The following ATP9A variants were observed in gnomAD, a reference collection of about 807,000 sequenced individuals.
ATP9A encodes the protein probable phospholipid-transporting ATPase IIA.
In ATP9A, 52 loss-of-function variants were observed where a neutral mutation model predicts 144.1. The observed-to-expected ratio is 0.36, with a 90% CI of 0.29 to 0.45. The LOEUF is 0.45. Among genes scored for constraint, ATP9A ranks in the 20% least tolerant of loss-of-function variants. ATP9A has a pLI of 1.00. For missense variants in ATP9A, 947 were observed against 1,392.7 expected (o/e 0.68, Z 5.09); for synonymous variants, 582 against 557.4 (o/e 1.04, Z -0.62).
In ATP9A at chr20:51,674,379, G is replaced by C; in HGVS notation, c.877-66C>G. 1.9e-6 allele frequency: 3 copies of C among 1,554,668 alleles called. No individual in the cohort carries two copies. The South Asian group carries it at 3.5e-5, about 18-fold the overall frequency. On this transcript the variant is annotated intron_variant, in intron 10 of 27. Coordinates refer to ENST00000338821, the MANE Select transcript of ATP9A (RefSeq NM_006045.3). ...TGTAACTAATCTCAAACCTAAACCA[G>C]GAGGTGGAGGCTGCAGTGAGCTGAG...
chr20:51,746,669 C>G (rs2077809591), intron 1 of ATP9A, among the ~76,000 whole-genome samples: 1 of 152,200 alleles, frequency 6.6e-6, no homozygotes, highest in Non-Finnish European at 1.5e-5. Flanking sequence ...GAAACCTCGT[C>G]TCTACTAAAA....
chr20:51,689,720 C>G (rs1309009035), intron 8 of ATP9A, among the ~76,000 whole-genome samples: 1 of 151,600 alleles, frequency 6.6e-6, no homozygotes, highest in East Asian at 2.0e-4. Flanking sequence ...CCACGCCAGG[C>G]CTCCTAAAAC....
At chr20:51,642,224 G>A (rs915892374) in intron 14 of ATP9A, among the ~76,000 whole-genome samples, 3 of 151,652 alleles carry the variant, frequency 2.0e-5, no homozygotes, top group African/African-American at 4.8e-5. Flanking sequence ...GTGCGATCTC[G>A]GCTCATTGCA....
intron 1 of ATP9A, among the ~76,000 whole-genome samples, chr20:51,747,104 T>TG (rs202057554): frequency 0.019 from 2,846 of 150,668 alleles, 89 homozygotes; most frequent in African/African-American, 0.066. Flanking sequence ...TTTCGTTTTT[T>TG]TTTTTTTTTT....
At chr20:51,758,447 A>C (rs1224967468) in intron 1 of ATP9A, among the ~76,000 whole-genome samples, 1 of 152,208 alleles carries the variant, frequency 6.6e-6, no homozygotes, top group Non-Finnish European at 1.5e-5. Flanking sequence ...GGGTAAAGAC[A>C]CTAAAAGAAC....
At chr20:51,733,109 T>A (rs1297686351) in intron 1 of ATP9A, among the ~76,000 whole-genome samples, 1 of 152,190 alleles carries the variant, frequency 6.6e-6, no homozygotes, top group Non-Finnish European at 1.5e-5. Context: ...GACATCAAGC[T>A]ATCCGGTTAC....
intron 1 of ATP9A, among the ~76,000 whole-genome samples, chr20:51,751,047 G>A (rs774361485): frequency 2.1e-4 from 32 of 152,098 alleles, no homozygotes; most frequent in Non-Finnish European, 3.8e-4. Flanking sequence ...TGGGTCACGC[G>A]GATAAAGAAG....
chr20:51,740,996 G>A (rs1376375215), intron 1 of ATP9A, among the ~76,000 whole-genome samples: 1 of 117,684 alleles, frequency 8.5e-6, no homozygotes, highest in Non-Finnish European at 2.0e-5. Flanking sequence ...ACCACATGTG[G>A]CTATTTTAAG....
Position 51,615,460 on chromosome 20 carries a change from A to T in ATP9A, c.2416-1628T>A, listed in dbSNP as rs938589844. On this transcript the variant is annotated intron_variant, in intron 22 of 27. Transcript: ENST00000338821. Reference sequence around the variant, plus strand: ...AAAATGTACAGTGTGTTTTCAATTTAAAAAAATACATGAAAATTACATATA... The same window carrying T: ...AAAATGTACAGTGTGTTTTCAATTTTAAAAAATACATGAAAATTACATATA... Among the ~76,000 whole-genome samples the T allele has an allele frequency of 3.3e-5, 5 of 152,184 alleles. No homozygotes were observed. In the South Asian group the frequency reaches 8.3e-4, roughly 25 times the overall value.
At chr20:51,676,917 C>CTTTTTTTT (rs34062000) in intron 9 of ATP9A, among the ~76,000 whole-genome samples, 3 of 68,388 alleles carry the variant, frequency 4.4e-5, no homozygotes, top group African/African-American at 1.7e-4. Context: ...CGCCCAGTCT[C>CTTTTTTTT]TTTTTTTTTT....
At chr20:51,608,440 A>G (rs2077172237) in intron 25 of ATP9A, 78 bp downstream of exon 25, 2 of 952,074 alleles carry the variant, frequency 2.1e-6, no homozygotes, top group Admixed American at 1.8e-5. Flanking sequence ...AATTCAAAGA[A>G]AAAAAGCAGG....
intron 14 of ATP9A, among the ~76,000 whole-genome samples, chr20:51,647,649 G>C (rs567408160): frequency 6.6e-6 from 1 of 151,540 alleles, no homozygotes; most frequent in South Asian, 2.1e-4. Context: ...AGAATAGCTG[G>C]AACCCAGGAG....
intron 27 of ATP9A, among the ~76,000 whole-genome samples, chr20:51,604,200 C>T (rs1803789795): frequency 2.6e-5 from 4 of 152,260 alleles, no homozygotes; most frequent in Admixed American, 2.0e-4. Context: ...GTGTGTTTAT[C>T]GTGTGTTCCC....
rs375890632 is a variant in ATP9A at position 51,676,224 on chromosome 20, G to T, written c.800-16C>A. ...ACAACAGTACCTAAAATGGAAAAAA[G>T]AAAAAAAAAAAAAGAAAAGAAATAT... On this transcript the variant is annotated splice_polypyrimidine_tract_variant and intron_variant, in intron 9 of 27. Transcript: ENST00000338821. The T allele has an allele frequency of 1.4e-4, 172 of 1,223,316 alleles. No individual in the cohort carries two copies. The highest frequency in any genetic ancestry group is 1.8e-4 in the Non-Finnish European group (157 of 893,720). The allele number at this position is 1,223,316 out of a possible 1,614,324, so 75.8% of individuals were successfully genotyped here. A position where few individuals can be genotyped will look rare whatever the true frequency, so the allele number is the denominator to read the frequency against.
intron 1 of ATP9A, among the ~76,000 whole-genome samples, chr20:51,736,781 CA>C (rs200445034): frequency 1.3e-5 from 2 of 149,794 alleles, no homozygotes; most frequent in African/African-American, 2.5e-5. Flanking sequence ...TTAACAACAA[CA>C]AAAAAAACAG....
In ATP9A at chr20:51,629,058, T is replaced by C; in HGVS notation, c.1683A>G (p.Gly561=). Residue 561 remains glycine, a synonymous_variant, in exon 16 of 28, where the codon GGA becomes GGG. Coordinates refer to ENST00000338821, the MANE Select transcript of ATP9A (RefSeq NM_006045.3). ...CTCCCTTCATGTAAAACGTAATTTCTCCAGTTGATTCATCCTAGAGAGGGA... is the reference window on the plus strand; with the variant it reads ...CTCCCTTCATGTAAAACGTAATTTCCCCAGTTGATTCATCCTAGAGAGGGA... ...MGIIVRDEST[G]EITFYMKGAD... is the part of the protein sequence containing the mutation. The C allele has an allele frequency of 6.2e-7, 1 of 1,613,722 alleles. No homozygotes were observed. The highest frequency in any genetic ancestry group is 8.5e-7 in the Non-Finnish European group (1 of 1,179,642).
chr20:51,768,232 G>A, intron 1 of ATP9A, 70 bp downstream of exon 1: 1 of 1,071,844 alleles, frequency 9.3e-7, no homozygotes, highest in Non-Finnish European at 1.2e-6. Context: ...GTCAGGCCCG[G>A]CCAGGCTGGC....
chr20:51,752,655 T>G (rs1182803466), intron 1 of ATP9A, among the ~76,000 whole-genome samples: 3 of 152,192 alleles, frequency 2.0e-5, no homozygotes, highest in Admixed American at 6.5e-5. Context: ...TGGTTTTCTG[T>G]GGTATCACAC....
chr20:51,725,801 C>T lies in ATP9A; in HGVS notation c.327+18G>A. Reference sequence around the variant, plus strand: ...CAAACCTCTAAGGTTACTGAACAAACAATGCCGATTAACTTACCAGGGGAA... The same window carrying T: ...CAAACCTCTAAGGTTACTGAACAAATAATGCCGATTAACTTACCAGGGGAA... On this transcript the variant is annotated intron_variant, in intron 3 of 27. Transcript: ENST00000338821. 1 of 1,503,466 alleles carries T rather than the reference C, an allele frequency of 6.7e-7. No homozygotes were observed. The highest frequency in any genetic ancestry group is 9.3e-7 in the Non-Finnish European group (1 of 1,079,554). The allele number at this position is 1,503,466 out of a possible 1,614,324, so 93.1% of individuals were successfully genotyped here. A position where few individuals can be genotyped will look rare whatever the true frequency, so the allele number is the denominator to read the frequency against.
Sources: gnomAD v4.1 joint callset for allele counts (sites outside exome capture counted in the v4.1 genomes callset) on GRCh38, gnomAD v4.1.1 for gene constraint, MANE v1.5 for transcripts, NCBI Gene and HGNC (gene_info 2026-07-23, HGNC 2026-07-21) for gene names.